PDE7A: variants seen among roughly 807,000 people sequenced by gnomAD.
PDE7A encodes high affinity 3',5'-cyclic-AMP phosphodiesterase 7A.
PDE7A carries 39 observed loss-of-function variants against 64.3 expected under a neutral mutation model. The observed-to-expected ratio is 0.61, with a 90% CI of 0.47 to 0.79. The LOEUF (loss-of-function observed/expected upper bound fraction) is 0.79. PDE7A is among the 30% of genes least tolerant of loss of function. The pLI, the probability that PDE7A is intolerant of heterozygous loss-of-function variation, is 0.00. For synonymous variants in PDE7A, 203 were observed against 206.8 expected, an observed-to-expected ratio of 0.98 and a Z score of 0.16; for missense variants, 470 against 582.8, an observed-to-expected ratio of 0.81 and a Z score of 1.99.
At chr8:65,831,127 G>T (rs960733220) in intron 1 of PDE7A, among the ~76,000 whole-genome samples, 2 of 152,000 alleles carry the variant, frequency 1.3e-5, no homozygotes, top group Admixed American at 1.3e-4. Flanking sequence ...AAGGTACACA[G>T]TTTTTTTGTT....
intron 3 of PDE7A, 24 bp downstream of exon 3, chr8:65,779,696 A>G (rs1396759693): frequency 1.6e-6 from 2 of 1,217,288 alleles, no homozygotes; most frequent in African/African-American, 3.1e-5. Context: ...AAATCCGAGA[A>G]ACTTCATGTC....
At chr8:65,727,418 G>A (rs886590353) in intron 7 of PDE7A, 117 bp from the exon 8 acceptor site, 9 of 1,432,344 alleles carry the variant, frequency 6.3e-6, no homozygotes, top group Non-Finnish European at 6.6e-6. Context: ...CCCCCTTCAC[G>A]TCATTCCTCA....
intron 1 of PDE7A, among the ~76,000 whole-genome samples, chr8:65,811,432 G>A (rs980112515): frequency 3.9e-5 from 6 of 152,126 alleles, no homozygotes; most frequent in East Asian, 1.9e-4. Context: ...CCTCCCACCC[G>A]CCCATCTCCT....
At chr8:65,791,773 C>T (rs1809708902) in intron 1 of PDE7A, among the ~76,000 whole-genome samples, 1 of 152,156 alleles carries the variant, frequency 6.6e-6, no homozygotes, top group Non-Finnish European at 1.5e-5. Flanking sequence ...GCTTTCATTG[C>T]TAATGACACA....
intron 1 of PDE7A, among the ~76,000 whole-genome samples, chr8:65,807,854 G>A (rs186615277): frequency 7.0e-4 from 106 of 152,308 alleles, no homozygotes; most frequent in African/African-American, 2.5e-3. Context: ...ACATGGGTCA[G>A]TGATGATGAT....
intron 1 of PDE7A, among the ~76,000 whole-genome samples, chr8:65,790,363 T>A (rs1809667793): frequency 6.6e-6 from 1 of 152,024 alleles, no homozygotes; most frequent in African/African-American, 2.4e-5. Flanking sequence ...AGGGGCTGGA[T>A]GGGCAGTCAG....
intron 5 of PDE7A, among the ~76,000 whole-genome samples, chr8:65,744,084 T>G (rs1807562281): frequency 6.6e-6 from 1 of 152,156 alleles, no homozygotes; most frequent in African/African-American, 2.4e-5. Flanking sequence ...CCACCAGCCT[T>G]GGCCTGCCAA....
At chr8:65,739,368 T>C in intron 6 of PDE7A, 134 bp downstream of exon 6, 2 of 976,658 alleles carry the variant, frequency 2.0e-6, no homozygotes, top group East Asian at 3.6e-5. Flanking sequence ...TAAATAACTG[T>C]GTGTTGTTTT....
At position 65,716,697 on chromosome 8, in the gene PDE7A, T is replaced by G. The variant is rs2129062180; in HGVS notation, c.*2593A>C. 6.6e-6 allele frequency among the ~76,000 whole-genome samples: 1 copy of G among 152,314 alleles called. No homozygotes were observed. Among genetic ancestry groups the G allele is most frequent in the African/African-American group, 2.4e-5 (1 of 41,572 alleles). ...ACTGTAAATTAAAATATTGATAGTG[T>G]TTTAAAAAAATAGTTACTGTGAGCT... On this transcript the variant is annotated 3_prime_UTR_variant, in exon 13 of 13. Transcript: ENST00000401827.
intron 7 of PDE7A, among the ~76,000 whole-genome samples, chr8:65,734,147 A>G (rs1807024791): frequency 1.3e-5 from 2 of 152,210 alleles, no homozygotes; most frequent in South Asian, 4.1e-4. Flanking sequence ...TGTCTCTACA[A>G]GCCTTACCCC....
chr8:65,832,754 TGGGATTACA>T (rs1810862853), intron 1 of PDE7A, among the ~76,000 whole-genome samples: 1 of 152,170 alleles, frequency 6.6e-6, no homozygotes, highest in Non-Finnish European at 1.5e-5. Context: ...TCACAAGTGT[TGGGATTACA>T]GGCATGAACC....
chr8:65,841,131 G>C (rs912506427), intron 1 of PDE7A, among the ~76,000 whole-genome samples: 10 of 152,140 alleles, frequency 6.6e-5, no homozygotes, highest in Non-Finnish European at 1.0e-4. Flanking sequence ...GACGAGCCTG[G>C]GGAGGGTCTG....
chr8:65,738,673 T>C (rs1174618161), intron 6 of PDE7A, among the ~76,000 whole-genome samples: 2 of 152,032 alleles, frequency 1.3e-5, no homozygotes, highest in Non-Finnish European at 2.9e-5. Context: ...CCTCACGTGA[T>C]CCACCCGCCT....
chr8:65,769,624 G>T (rs1003727370), intron 3 of PDE7A, among the ~76,000 whole-genome samples: 1 of 152,128 alleles, frequency 6.6e-6, no homozygotes, highest in Admixed American at 6.5e-5. Flanking sequence ...GACTGGGTGC[G>T]GTAGCTCATA....
intron 1 of PDE7A, among the ~76,000 whole-genome samples, chr8:65,819,123 G>T (rs1435714387): frequency 2.6e-5 from 4 of 152,258 alleles, no homozygotes; most frequent in Non-Finnish European, 5.9e-5. Flanking sequence ...AAGGGTGGGT[G>T]TAAGGGCTCA....
At chr8:65,798,204 A>ATTTT (rs377351893) in intron 1 of PDE7A, among the ~76,000 whole-genome samples, 3 of 38,198 alleles carry the variant, frequency 7.9e-5, no homozygotes, top group African/African-American at 3.9e-4. Context: ...ATATATATAT[A>ATTTT]TATTTTTTTT....
At chr8:65,826,661 T>C (rs6984402) in intron 1 of PDE7A, among the ~76,000 whole-genome samples, 16,688 of 152,308 alleles carry the variant, frequency 0.11, 1,024 homozygotes, top group Non-Finnish European at 0.14. Flanking sequence ...GTAAATTTGA[T>C]TGAAAGAATG....
intron 3 of PDE7A, among the ~76,000 whole-genome samples, chr8:65,779,082 T>C (rs1281884568): frequency 2.6e-5 from 4 of 152,254 alleles, no homozygotes; most frequent in Admixed American, 1.3e-4. Flanking sequence ...AGCATTCAGA[T>C]ACATTTGAAT....
intron 1 of PDE7A, among the ~76,000 whole-genome samples, chr8:65,818,127 A>AAATAT (rs148599671): frequency 0.19 from 28,274 of 151,922 alleles, 3,531 homozygotes; most frequent in African/African-American, 0.37. Context: ...GTTATACTTT[A>AAATAT]AATTTCCTTT....
Sources: gnomAD v4.1 joint callset for allele counts (sites outside exome capture counted in the v4.1 genomes callset) on GRCh38, gnomAD v4.1.1 for gene constraint, MANE v1.5 for transcripts, NCBI Gene and HGNC (gene_info 2026-07-23, HGNC 2026-07-21) for gene names.